CPQ: variants seen among roughly 807,000 people sequenced by gnomAD.
The protein encoded by CPQ is carboxypeptidase Q.
A neutral mutation model predicts 45.7 loss-of-function variants in CPQ; 37 were observed. The observed-to-expected ratio is 0.81, with a 90% CI of 0.62 to 1.07. The LOEUF is 1.07. Ranked by LOEUF, CPQ falls within the 50% of genes least tolerant of loss-of-function variation. CPQ has a pLI of 0.00. For missense variants in CPQ, 537 were observed against 572.9 expected (o/e 0.94, Z 0.64); for synonymous variants, 186 against 205.8 (o/e 0.90, Z 0.82).
At chr8:96,675,032 C>T (rs1053923384) in intron 1 of CPQ, among the ~76,000 whole-genome samples, 6 of 151,882 alleles carry the variant, frequency 4.0e-5, no homozygotes, top group African/African-American at 1.5e-4. Context: ...AGAATAGACA[C>T]TAAGTGCATA....
At chr8:96,675,774 A>G (rs1809069731) in intron 1 of CPQ, among the ~76,000 whole-genome samples, 1 of 152,008 alleles carries the variant, frequency 6.6e-6, no homozygotes, top group South Asian at 2.1e-4. Flanking sequence ...ATCATGAGTA[A>G]TGTTGAGCAT....
chr8:96,931,815 G>C (rs1812979222), intron 4 of CPQ, among the ~76,000 whole-genome samples: 1 of 152,148 alleles, frequency 6.6e-6, no homozygotes, highest in Non-Finnish European at 1.5e-5. Flanking sequence ...GTAGGGCTGG[G>C]AAAAGAGGCA....
chr8:96,733,836 G>C (rs1277887998), intron 1 of CPQ, among the ~76,000 whole-genome samples: 4 of 152,154 alleles, frequency 2.6e-5, no homozygotes, highest in Admixed American at 2.0e-4. Flanking sequence ...CAATAGCTGA[G>C]TGTGGCTACC....
intron 1 of CPQ, among the ~76,000 whole-genome samples, chr8:96,659,019 C>T (rs561529419): frequency 5.9e-5 from 9 of 152,208 alleles, no homozygotes; most frequent in Middle Eastern, 3.4e-3. Context: ...ATAAATGCAC[C>T]GCCATATGGG....
chr8:96,890,692 A>G (rs1387593739), intron 4 of CPQ, among the ~76,000 whole-genome samples: 3 of 152,184 alleles, frequency 2.0e-5, no homozygotes, highest in African/African-American at 4.8e-5. Flanking sequence ...GCAGAGCCCA[A>G]AGTGTCCAGA....
chr8:96,706,784 A>C (rs1809535783), intron 1 of CPQ, among the ~76,000 whole-genome samples: 1 of 152,200 alleles, frequency 6.6e-6, no homozygotes, highest in African/African-American at 2.4e-5. Flanking sequence ...TTTATTCAAT[A>C]GTCATTACTT....
At chr8:96,990,164 G>A (rs1809063662) in intron 5 of CPQ, among the ~76,000 whole-genome samples, 1 of 151,972 alleles carries the variant, frequency 6.6e-6, no homozygotes, top group African/African-American at 2.4e-5. Flanking sequence ...TGCTCAGCCC[G>A]ATCTCATTTC....
In CPQ at chr8:96,954,770, C is replaced by T. The variant is rs1278574809; in HGVS notation, c.850-11165C>T. On this transcript the variant is annotated intron_variant, in intron 4 of 7. Transcript: ENST00000220763. Reference sequence around the variant, plus strand: ...ACTCCCCCAACCCCACAACAGGCCCCGGTGTGTGATGTTCCCCTTCCTGTG... The same window carrying T: ...ACTCCCCCAACCCCACAACAGGCCCTGGTGTGTGATGTTCCCCTTCCTGTG... 2.6e-5 allele frequency among the ~76,000 whole-genome samples: 4 copies of T among 152,016 alleles called. No individual in the cohort carries two copies. The South Asian group carries it at 6.2e-4, about 24-fold the overall frequency.
At chr8:97,030,731 C>A (rs1231261957) in intron 6 of CPQ, among the ~76,000 whole-genome samples, 1 of 152,202 alleles carries the variant, frequency 6.6e-6, no homozygotes, top group East Asian at 1.9e-4. Flanking sequence ...TCAAAAAGAT[C>A]TACCCTGACC....
At chr8:96,658,916 A>C (rs1051836692) in intron 1 of CPQ, among the ~76,000 whole-genome samples, 37 of 152,256 alleles carry the variant, frequency 2.4e-4, no homozygotes, top group Non-Finnish European at 2.9e-5. Flanking sequence ...CGTGATGCAT[A>C]CAGTGTCAGA....
chr8:96,886,123 T>G (rs1812304152), intron 4 of CPQ, among the ~76,000 whole-genome samples: 1 of 152,194 alleles, frequency 6.6e-6, no homozygotes, highest in African/African-American at 2.4e-5. Flanking sequence ...CCCAGAATTC[T>G]CTCTCCACTC....
At chr8:96,731,368 C>A (rs1809911698) in intron 1 of CPQ, among the ~76,000 whole-genome samples, 2 of 152,294 alleles carry the variant, frequency 1.3e-5, no homozygotes, top group South Asian at 4.1e-4. Context: ...CAGGCTACTG[C>A]AAGCTTTCAG....
At chr8:96,749,694 T>C (rs1176733621) in intron 1 of CPQ, among the ~76,000 whole-genome samples, 1 of 152,122 alleles carries the variant, frequency 6.6e-6, no homozygotes, top group Non-Finnish European at 1.5e-5. Context: ...GTCAAGAAAG[T>C]GTTTAGTACT....
chr8:97,076,132 C>A (rs1289602304), intron 7 of CPQ, among the ~76,000 whole-genome samples: 1 of 152,144 alleles, frequency 6.6e-6, no homozygotes, highest in South Asian at 2.1e-4. Context: ...TTCAAGTGAT[C>A]CTCCTGCCTC....
At chr8:97,064,707 G>A (rs79274748) in intron 6 of CPQ, among the ~76,000 whole-genome samples, 2,894 of 152,210 alleles carry the variant, frequency 0.019, 97 homozygotes, top group African/African-American at 0.066. Flanking sequence ...AAAGCAAAAG[G>A]TTAGGCAATC....
In CPQ at chr8:96,891,294, G is replaced by A. The variant is rs115135409; in HGVS notation, c.849+11289G>A. ...TCTATTCCGGTGCAGACAAACTGCT[G>A]CCCTTTCCATGATGGAAAAGGTCCA... On this transcript the variant is annotated intron_variant, in intron 4 of 7. Transcript: ENST00000220763. Among the ~76,000 whole-genome samples, 910 of 152,292 alleles carry A rather than the reference G, an allele frequency of 6.0e-3. 14 individuals carry two copies. Among genetic ancestry groups the A allele is most frequent in the African/African-American group, 0.02 (851 of 41,564 alleles).
chr8:97,018,194 T>C (rs561755839), intron 5 of CPQ, among the ~76,000 whole-genome samples: 2 of 152,158 alleles, frequency 1.3e-5, no homozygotes, highest in African/African-American at 2.4e-5. Context: ...GGGAGAGTAC[T>C]ACATCAAGGA....
chr8:96,827,151 G>A lies in CPQ; in HGVS notation c.434-7822G>A, dbSNP rs191787602. On this transcript the variant is annotated intron_variant, in intron 2 of 7. Transcript: ENST00000220763. ...GCTCAGTGTCTTTGACTGAGATATCGCAGTTTACAAGGCAATGGGTGGGCA... is the reference window on the plus strand; with the variant it reads ...GCTCAGTGTCTTTGACTGAGATATCACAGTTTACAAGGCAATGGGTGGGCA... Among the ~76,000 whole-genome samples the A allele has an allele frequency of 1.4e-3, 208 of 152,126 alleles. 2 individuals carry two copies. Among genetic ancestry groups the A allele is most frequent in the Admixed American group, 9.8e-3 (150 of 15,260 alleles).
At chr8:96,988,475 G>GT (rs1429118652) in intron 5 of CPQ, among the ~76,000 whole-genome samples, 1 of 152,054 alleles carries the variant, frequency 6.6e-6, no homozygotes, top group Non-Finnish European at 1.5e-5. Flanking sequence ...TTCAGTAAAT[G>GT]TTTTTTTATT....
Sources: gnomAD v4.1 joint callset for allele counts (sites outside exome capture counted in the v4.1 genomes callset) on GRCh38, gnomAD v4.1.1 for gene constraint, MANE v1.5 for transcripts, NCBI Gene and HGNC (gene_info 2026-07-23, HGNC 2026-07-21) for gene names.